Variants in LIG1 observed in about 807,000 individuals in gnomAD.
LIG1 encodes the protein DNA ligase 1, also known as ligase I, DNA, ATP-dependent.
LIG1 carries 70 observed loss-of-function variants against 115.7 expected under a neutral mutation model. The observed-to-expected ratio is 0.60, with a 90% CI of 0.50 to 0.74. The LOEUF (loss-of-function observed/expected upper bound fraction) is 0.74, where lower values mean the gene tolerates loss of function less well. Ranked by LOEUF, LIG1 falls within the 30% of genes least tolerant of loss-of-function variation. The pLI, the probability that LIG1 is intolerant of heterozygous loss-of-function variation, is 0.00. For synonymous variants in LIG1, 487 were observed against 495.3 expected (o/e 0.98, Z 0.22); for missense variants, 1,115 against 1,225.6 (o/e 0.91, Z 1.35).
intron 26 of LIG1, among the ~76,000 whole-genome samples, chr19:48,116,966 G>A (rs1475647634): frequency 2.0e-5 from 3 of 151,794 alleles, no homozygotes; most frequent in Non-Finnish European, 2.9e-5. Context: ...GTGAAACCCC[G>A]TCTCTACAGG....
At chr19:48,149,930 C>T (rs1002953081) in intron 8 of LIG1, 89 bp from the exon 9 acceptor site, 2 of 1,546,486 alleles carry the variant, frequency 1.3e-6, no homozygotes, top group African/African-American at 2.7e-5. Context: ...CACCCCAGTG[C>T]TCAGGGAGAT....
chr19:48,167,804 C>T (rs541058055), intron 1 of LIG1, among the ~76,000 whole-genome samples: 2 of 143,740 alleles, frequency 1.4e-5, no homozygotes, highest in African/African-American at 5.2e-5. Flanking sequence ...CCAGCCTGGG[C>T]GACAGAGCGA....
At position 48,136,068 on chromosome 19, in the gene LIG1, G is replaced by A. The variant is rs757495180; in HGVS notation, c.1389C>T (p.Leu463=). ...GGGGCGTGAGGCTCACTGCCTGGGA[G>A]AGGGCAGCCAGCACCGACTGCTCTG... ...GLAEQSVLAA[L]SQAVSLTPPG... Residue 463 remains leucine (L), a synonymous_variant, in exon 15 of 28, where the codon CTC becomes CTT. Transcript: ENST00000263274. 1.9e-6 allele frequency: 3 copies of A among 1,572,092 alleles called. No homozygotes were observed. The highest frequency in any genetic ancestry group is 1.2e-5 in the South Asian group (1 of 85,538).
chr19:48,144,186 C>T (rs767031495), intron 9 of LIG1, among the ~76,000 whole-genome samples: 3 of 152,144 alleles, frequency 2.0e-5, no homozygotes, highest in African/African-American at 7.2e-5. Flanking sequence ...TTAAAAAAAT[C>T]TTTCAGAAAA....
At chr19:48,154,845 T>C (rs1261420860) in intron 5 of LIG1, among the ~76,000 whole-genome samples, 1 of 152,134 alleles carries the variant, frequency 6.6e-6, no homozygotes, top group East Asian at 1.9e-4. Context: ...AACCCTTCCA[T>C]GACTCCACAT....
At chr19:48,127,503 A>G in intron 20 of LIG1, 155 bp from the exon 21 acceptor site, 1 of 701,978 alleles carries the variant, frequency 1.4e-6, no homozygotes, top group Non-Finnish European at 2.5e-6. Flanking sequence ...CAGGTGCTGG[A>G]TCGTTAACGG....
At chr19:48,160,176 A>G (rs1053042106) in intron 4 of LIG1, among the ~76,000 whole-genome samples, 4 of 152,222 alleles carry the variant, frequency 2.6e-5, no homozygotes, top group African/African-American at 9.6e-5. Flanking sequence ...ACTGTAAGAC[A>G]ATAAACTGAC....
At chr19:48,124,527 A>G (rs899358110) in intron 21 of LIG1, among the ~76,000 whole-genome samples, 1 of 152,244 alleles carries the variant, frequency 6.6e-6, no homozygotes, top group African/African-American at 2.4e-5. Context: ...AGCAAGTTCA[A>G]TCGGAGATGT....
chr19:48,150,831 G>A (rs1290251936), intron 7 of LIG1, among the ~76,000 whole-genome samples: 1 of 151,814 alleles, frequency 6.6e-6, no homozygotes, highest in East Asian at 1.9e-4. Flanking sequence ...CCAAGTAGCT[G>A]GAACTACAGG....
At chr19:48,146,316 A>C (rs1432842489) in intron 9 of LIG1, among the ~76,000 whole-genome samples, 1 of 152,210 alleles carries the variant, frequency 6.6e-6, no homozygotes, top group African/African-American at 2.4e-5. Flanking sequence ...CAACCTGGCC[A>C]ACATGGAGAA....
intron 14 of LIG1, 62 bp downstream of exon 14, chr19:48,136,946 T>C: frequency 7.5e-7 from 1 of 1,334,114 alleles, no homozygotes; most frequent in Non-Finnish European, 1.1e-6. Context: ...TGCCAGTCCC[T>C]CCCTCCTTTC....
intron 5 of LIG1, 97 bp from the exon 6 acceptor site, chr19:48,154,064 T>A: frequency 1.0e-6 from 1 of 993,054 alleles, no homozygotes; most frequent in Non-Finnish European, 1.6e-6. Flanking sequence ...TGGAAGGCTC[T>A]GGGCCCTCTC....
chr19:48,151,168 C>T, intron 7 of LIG1, 64 bp downstream of exon 7: 1 of 950,676 alleles, frequency 1.1e-6, no homozygotes, highest in Non-Finnish European at 1.7e-6. Flanking sequence ...TAATCATCCT[C>T]CAAAGACTTC....
chr19:48,142,491 C>T (rs2034838739), intron 11 of LIG1, among the ~76,000 whole-genome samples: 1 of 148,026 alleles, frequency 6.8e-6, no homozygotes. Context: ...ATGCTCCACT[C>T]ATGTTGGGGA....
In LIG1 at chr19:48,116,070, C is replaced by T. The variant is rs931442568; in HGVS notation, c.2584-105G>A. ...TGTTTCCTGATCCACATGACGGGGC[C>T]GAACGATGGGTTGTCATAAGGATTA... On this transcript the variant is annotated intron_variant, in intron 26 of 27. Transcript: ENST00000263274. 21 of 809,334 alleles carry T rather than the reference C, an allele frequency of 2.6e-5. 1 individual carries two copies. Among genetic ancestry groups the T allele is most frequent in the South Asian group, 1.2e-4 (8 of 69,382 alleles). 50.1% of individuals were successfully genotyped at this position (809,334 alleles called of 1,614,324 possible).
At chr19:48,119,479 T>C (rs538560337) in intron 24 of LIG1, among the ~76,000 whole-genome samples, 1 of 151,526 alleles carries the variant, frequency 6.6e-6, no homozygotes, top group East Asian at 1.9e-4. Context: ...CACTCCCTTA[T>C]GCTCACCCAC....
chr19:48,151,423 C>A, intron 6 of LIG1, 84 bp from the exon 7 acceptor site: 1 of 836,358 alleles, frequency 1.2e-6, no homozygotes, highest in South Asian at 1.3e-5. Flanking sequence ...AGTCTGCCCT[C>A]ATCTGTCATC....
intron 24 of LIG1, 142 bp downstream of exon 24, chr19:48,121,022 CCAGAAA>C (rs2033228755): frequency 2.6e-6 from 4 of 1,517,854 alleles, no homozygotes; most frequent in Non-Finnish European, 1.8e-6. Flanking sequence ...GCTCATAGAA[CCAGAAA>C]AAGTAAATAA....
chr19:48,148,940 C>G (rs2035302544), intron 9 of LIG1, among the ~76,000 whole-genome samples: 1 of 152,234 alleles, frequency 6.6e-6, no homozygotes, highest in Non-Finnish European at 1.5e-5. Context: ...CCGCCCAGGG[C>G]TGGCAAAGAA....
Sources: gnomAD v4.1 joint callset for allele counts (sites outside exome capture counted in the v4.1 genomes callset) on GRCh38, gnomAD v4.1.1 for gene constraint, MANE v1.5 for transcripts, NCBI Gene and HGNC (gene_info 2026-07-23, HGNC 2026-07-21) for gene names.